ADAMTS10: variants seen among roughly 807,000 people sequenced by gnomAD.
The protein encoded by ADAMTS10 is A disintegrin and metalloproteinase with thrombospondin motifs 10.
ADAMTS10 carries 48 observed loss-of-function variants against 135.9 expected under a neutral mutation model. That is an observed-to-expected ratio of 0.35 (90% CI 0.28 to 0.45). The LOEUF (loss-of-function observed/expected upper bound fraction) is 0.45, where lower values mean the gene tolerates loss of function less well. ADAMTS10 is among the 20% of genes least tolerant of loss of function. ADAMTS10 has a pLI of 1.00. For synonymous variants in ADAMTS10, 621 were observed against 647.5 expected (o/e 0.96, Z 0.62); for missense variants, 1,131 against 1,565.2 (o/e 0.72, Z 4.68).
chr19:8,584,756 GA>G, intron 25 of ADAMTS10, 138 bp downstream of exon 25: 2 of 1,266,802 alleles, frequency 1.6e-6, no homozygotes, highest in Non-Finnish European at 2.2e-6. Flanking sequence ...AGGGGATGGT[GA>G]AGGATGGCCT....
chr19:8,602,518 G>A (rs1262756115), intron 5 of ADAMTS10, among the ~76,000 whole-genome samples: 3 of 151,776 alleles, frequency 2.0e-5, no homozygotes, highest in South Asian at 2.1e-4. Context: ...ACGGGGTTTC[G>A]CCATGTTGGC....
At position 8,605,276 on chromosome 19, in the gene ADAMTS10, C is replaced by T. The variant is rs150237441; in HGVS notation, c.171G>A (p.Ser57=). The T allele has an allele frequency of 8.7e-5, 140 of 1,612,446 alleles. No individual in the cohort carries two copies. In the African/African-American group the frequency reaches 1.5e-3, roughly 17 times the overall value. Residue 57 remains serine (S), a synonymous_variant, in exon 4 of 26, where the codon TCG becomes TCA. Transcript: ENST00000597188. The surrounding 1 kb of genome is among the most constrained non-coding windows in gnomAD (Gnocchi z 7.7). ...GGCGCTGCCTCCGGGGAGGAGGTGG[C>T]GAGAAGGCCAGCAGTGCCCCGTTGT... The part of the protein sequence containing the change: ...VDHNGALLAF[S]PPPPRRQRRG...
Position 8,588,402 on chromosome 19 carries a change from G to A in ADAMTS10, c.2158+840C>T, listed in dbSNP as rs117957030. ...TGCCTGTCTCACTTTTGATGCCAGC[G>A]GCCAGGCTGCTTATTATAAAACCCC... On this transcript the variant is annotated intron_variant, in intron 18 of 25. Transcript: ENST00000597188. Among the ~76,000 whole-genome samples the A allele has an allele frequency of 5.7e-3, 859 of 151,978 alleles. 4 individuals are homozygous for A. The highest frequency in any genetic ancestry group is 9.7e-3 in the Non-Finnish European group (657 of 67,994).
Position 8,603,814 on chromosome 19 carries a change from C to T in ADAMTS10, c.506G>A (p.Arg169Gln), listed in dbSNP as rs151257275. 2.8e-4 allele frequency: 452 copies of T among 1,614,050 alleles called. 1 individual carries two copies. Among genetic ancestry groups the T allele is most frequent in the Middle Eastern group, 1.5e-3 (9 of 6,062 alleles). The change falls in exon 5 of 26, where the codon CGG becomes CAG. Residue 169 changes from arginine to glutamine, a missense_variant. By Grantham distance (43) the Arg-to-Gln change is conservative (BLOSUM62 1). Coordinates refer to ENST00000597188, the MANE Select transcript of ADAMTS10 (RefSeq NM_030957.4). ...ATGTGGTCCACTTTCCTCCGGGCTC[C>T]GAGAACCCTTGGGCCCACCGTGCAG... is the stretch of plus-strand genomic sequence containing the variant. ...EPLHGGPKGS[R>Q]SPEESGPHVV...
At chr19:8,606,024 T>G (rs558057732) in intron 2 of ADAMTS10, among the ~76,000 whole-genome samples, 100 of 152,370 alleles carry the variant, frequency 6.6e-4, no homozygotes, top group Middle Eastern at 3.4e-3. Context: ...GTATCTCCTA[T>G]GTGCCAGCTA....
chr19:8,605,524 AC>A lies in ADAMTS10; in HGVS notation c.88+98del. 1.5e-6 allele frequency: 1 copy of A among 685,262 alleles called. No individual in the cohort carries two copies. Among genetic ancestry groups the A allele is most frequent in the Non-Finnish European group, 2.4e-6 (1 of 415,380 alleles). 42.4% of individuals were successfully genotyped at this position (685,262 alleles called of 1,614,324 possible). On this transcript the variant is annotated intron_variant, in intron 3 of 25. Transcript: ENST00000597188. The surrounding 1 kb of genome is among the most constrained non-coding windows in gnomAD (Gnocchi z 7.7). ...TTGACCCCAGGGCCTTCCCCCATTGACCCCCATCCCAGCCCCCTGATGCCTC... is the reference window on the plus strand; with the variant it reads ...TTGACCCCAGGGCCTTCCCCCATTGACCCCATCCCAGCCCCCTGATGCCTC...
At chr19:8,583,412 G>A (rs1192618433) in intron 25 of ADAMTS10, among the ~76,000 whole-genome samples, 3 of 151,810 alleles carry the variant, frequency 2.0e-5, no homozygotes, top group Non-Finnish European at 2.9e-5. Context: ...ATGGTGGCAC[G>A]TGCCTGTAAT....
rs1600100985 is a variant in ADAMTS10, at chr19:8,589,552, G to A, written c.1934C>T (p.Ala645Val). Residue 645 changes from alanine (A) to valine (V), a missense_variant, in exon 17 of 26, where the codon GCG (alanine) becomes GTG (valine). Around this residue, in one of 3 missense-constraint regions of ADAMTS10, gnomAD observed 745 missense variants for 1,056.3 expected, o/e 0.71. Coordinates refer to ENST00000597188, the MANE Select transcript of ADAMTS10 (RefSeq NM_030957.4). ...GVKACSLTCL[A>V]EGFNFYTERA... ...CTCCGTGTAGAAGTTGAAGCCTTCC[G>A]CTAGGCACGTGAGCGAGCAGGCCTT... 1.9e-6 allele frequency: 3 copies of A among 1,613,442 alleles called. No individual in the cohort carries two copies. Among genetic ancestry groups the A allele is most frequent in the Non-Finnish European group, 2.5e-6 (3 of 1,179,968 alleles).
At chr19:8,590,014 G>A in intron 15 of ADAMTS10, 23 bp from the exon 16 acceptor site, 1 of 1,572,890 alleles carries the variant, frequency 6.4e-7, no homozygotes, top group Non-Finnish European at 8.7e-7. Context: ...GAGGAGAGAT[G>A]GAGGGAGGCC....
At chr19:8,590,616 G>A (rs1555738709) in intron 15 of ADAMTS10, among the ~76,000 whole-genome samples, 2 of 151,682 alleles carry the variant, frequency 1.3e-5, no homozygotes, top group South Asian at 2.1e-4. Flanking sequence ...GTGCCACCAC[G>A]CCTGGCTAAT....
rs782297666 is a variant in ADAMTS10 at position 8,586,804 on chromosome 19, C to T, written c.2239+12G>A. The T allele has an allele frequency of 6.2e-7, 1 of 1,614,148 alleles. No homozygotes were observed. Among genetic ancestry groups the T allele is most frequent in the Admixed American group, 1.7e-5 (1 of 60,002 alleles). ...ACCCCTAATCCTCATCCCCTCCCCA[C>T]CATCTGCTCACCCAAGTGACTGAGA... On this transcript the variant is annotated intron_variant, in intron 19 of 25. Transcript: ENST00000597188.
rs2042403296 is a variant in ADAMTS10, at chr19:8,584,947, C to T, written c.3150G>A (p.Thr1050=). Residue 1050 remains threonine (T), a synonymous_variant, in exon 25 of 26, where the codon ACG becomes ACA. Coordinates refer to ENST00000597188, the MANE Select transcript of ADAMTS10 (RefSeq NM_030957.4). ...ECTEALRPPT[T]QQCEAKCDSP... ...TGTCGCACTTGGCCTCACACTGCTG[C>T]GTGGTGGGCGGCCGCAGGGCCTCCG... 1.9e-6 allele frequency: 3 copies of T among 1,548,422 alleles called. No individual in the cohort carries two copies. The highest frequency in any genetic ancestry group is 2.4e-5 in the South Asian group (2 of 84,010).
Position 8,589,930 on chromosome 19 carries a change from G to A in ADAMTS10, c.1859C>T (p.Pro620Leu), listed in dbSNP as rs2042499929. The A allele has an allele frequency of 1.9e-6, 3 of 1,614,158 alleles. No individual in the cohort carries two copies. The highest frequency in any genetic ancestry group is 1.1e-5 in the South Asian group (1 of 91,086). ...CCACTTGTAGAATTTCCCACGGAAA[G>A]GGATGCTGTCAAATTCAGAACACTG... Reference protein sequence around the residue: ...EVQCSEFDSIPFRGKFYKWKT... With the variant: ...EVQCSEFDSILFRGKFYKWKT... The change falls in exon 16 of 26, where the codon CCT becomes CTT. Residue 620 changes from proline to leucine, a missense_variant. By Grantham distance (98) the Pro-to-Leu change is moderately conservative (BLOSUM62 -3). Coordinates refer to ENST00000597188, the MANE Select transcript of ADAMTS10 (RefSeq NM_030957.4).
chr19:8,598,671 T>C (rs2042631418), intron 6 of ADAMTS10, among the ~76,000 whole-genome samples: 1 of 142,256 alleles, frequency 7.0e-6, no homozygotes, highest in Non-Finnish European at 1.5e-5. Context: ...ACCTCCCGGG[T>C]TCAAGCGATT....
chr19:8,604,766 A>G (rs2146101642), intron 4 of ADAMTS10, among the ~76,000 whole-genome samples: 1 of 152,190 alleles, frequency 6.6e-6, no homozygotes, highest in African/African-American at 2.4e-5. Context: ...GACTACAGGC[A>G]TAAGTCACCA....
chr19:8,589,757 C>T, intron 16 of ADAMTS10, 132 bp downstream of exon 16: 2 of 1,399,734 alleles, frequency 1.4e-6, no homozygotes. Flanking sequence ...GTACCGTATC[C>T]CAGGTACTCT....
chr19:8,604,018 A>G (rs2042694208), intron 4 of ADAMTS10, 134 bp from the exon 5 acceptor site: 1 of 812,212 alleles, frequency 1.2e-6, no homozygotes, highest in Non-Finnish European at 1.8e-6. Context: ...TTTTTTTGGC[A>G]TAGGTAATTA....
chr19:8,580,861 C>A lies in ADAMTS10; in HGVS notation c.*32G>T. Reference sequence around the variant, plus strand: ...GCTGCAGGGCTGGCGGCGGAGACCCCGCCAGCTGTGGCTCCGGGTGCCGCG... The same window carrying A: ...GCTGCAGGGCTGGCGGCGGAGACCCAGCCAGCTGTGGCTCCGGGTGCCGCG... On this transcript the variant is annotated 3_prime_UTR_variant, in exon 26 of 26. Coordinates refer to ENST00000597188, the MANE Select transcript of ADAMTS10 (RefSeq NM_030957.4). 1 of 1,547,298 alleles carries A rather than the reference C, an allele frequency of 6.5e-7. No individual in the cohort carries two copies. The highest frequency in any genetic ancestry group is 2.4e-5 in the East Asian group (1 of 42,040).
intron 18 of ADAMTS10, among the ~76,000 whole-genome samples, chr19:8,588,683 C>T (rs1337444626): frequency 4.6e-5 from 7 of 152,156 alleles, no homozygotes; most frequent in African/African-American, 9.7e-5. Flanking sequence ...CATTCATTCT[C>T]GCAGCTCCTC....
Sources: gnomAD v4.1 joint callset for allele counts (sites outside exome capture counted in the v4.1 genomes callset) on GRCh38, gnomAD v4.1.1 for gene constraint, gnomAD v4.1.1 regional missense constraint, Gnocchi (gnomAD v3.1) non-coding constraint, MANE v1.5 for transcripts, NCBI Gene and HGNC (gene_info 2026-07-23, HGNC 2026-07-21) for gene names.